The following PLXNA2 variants were observed in gnomAD, a reference collection of about 807,000 sequenced individuals.
PLXNA2 encodes the protein plexin-A2.
In PLXNA2, 91 loss-of-function variants were observed where a neutral mutation model predicts 193.5. The ratio of observed to expected loss-of-function variants is 0.47; its 90% CI spans 0.40 to 0.56. The LOEUF (loss-of-function observed/expected upper bound fraction) is 0.56. Among genes scored for constraint, PLXNA2 ranks in the 20% least tolerant of loss-of-function variants. PLXNA2 has a pLI of 0.00. For missense variants in PLXNA2, 1,995 were observed against 2,503.2 expected, an observed-to-expected ratio of 0.80 and a Z score of 4.33; for synonymous variants, 997 against 1,027.3, an observed-to-expected ratio of 0.97 and a Z score of 0.56.
chr1:208,084,234 G>C, intron 10 of PLXNA2, 146 bp downstream of exon 10: 2 of 784,014 alleles, frequency 2.6e-6, no homozygotes, highest in Non-Finnish European at 4.1e-6. Flanking sequence ...CGGCTGGGGT[G>C]CTGGCTGGCT....
At position 208,023,140 on chromosome 1, in the gene PLXNA2, G is replaced by T. The variant is rs1283972979; in HGVS notation, c.*4103C>A. 1 of 152,288 alleles carries T rather than the reference G, an allele frequency of 6.6e-6. No homozygotes were observed. The highest frequency in any genetic ancestry group is 1.9e-4 in the East Asian group (1 of 5,190). The allele number at this position is 152,288 out of a possible 1,614,324, so 9.4% of individuals were successfully genotyped here. A position where few individuals can be genotyped will look rare whatever the true frequency, so the allele number is the denominator to read the frequency against. ...AAGTTCATCTCCCAAGTTCCCCGTC[G>T]ATCTGCTCCCACAGCCCTGTGTCTG... On this transcript the variant is annotated 3_prime_UTR_variant, in exon 32 of 32. Transcript: ENST00000367033.
chr1:208,058,710 G>T (rs673287), intron 13 of PLXNA2, among the ~76,000 whole-genome samples: 3 of 152,196 alleles, frequency 2.0e-5, no homozygotes, highest in African/African-American at 4.8e-5. Flanking sequence ...CATGGGGATT[G>T]TTCCCCTCCC....
At chr1:208,137,958 G>C (rs1441796754) in intron 4 of PLXNA2, among the ~76,000 whole-genome samples, 3 of 152,110 alleles carry the variant, frequency 2.0e-5, no homozygotes, top group Admixed American at 1.3e-4. Context: ...AGGATGGGTG[G>C]GGGAACAGAG....
At chr1:208,048,544 T>G (rs765916899) in intron 17 of PLXNA2, among the ~76,000 whole-genome samples, 1 of 152,198 alleles carries the variant, frequency 6.6e-6, no homozygotes, top group African/African-American at 2.4e-5. Flanking sequence ...TCTTAAGTCC[T>G]TGGAACATTG....
intron 1 of PLXNA2, among the ~76,000 whole-genome samples, chr1:208,222,713 T>C (rs944222734): frequency 3.9e-5 from 6 of 152,208 alleles, no homozygotes; most frequent in Non-Finnish European, 8.8e-5. Flanking sequence ...ATTGCCCTTT[T>C]CAGGAGATCT....
chr1:208,105,527 C>T (rs1380227427), intron 4 of PLXNA2, among the ~76,000 whole-genome samples: 2 of 152,232 alleles, frequency 1.3e-5, no homozygotes, highest in African/African-American at 4.8e-5. Context: ...TTGTCCTGTA[C>T]AACTCTACAG....
At position 208,078,104 on chromosome 1, in the gene PLXNA2, C is replaced by T. The variant is rs544216942; in HGVS notation, c.2586+1156G>A. ...AAATGTTGGCTCTGCCACTTATCAGCGGTATAAACTTGGGCATGTCACTCA... is the reference window on the plus strand; with the variant it reads ...AAATGTTGGCTCTGCCACTTATCAGTGGTATAAACTTGGGCATGTCACTCA... On this transcript the variant is annotated intron_variant, in intron 12 of 31. Coordinates refer to ENST00000367033, the MANE Select transcript of PLXNA2 (RefSeq NM_025179.4). 9.2e-5 allele frequency among the ~76,000 whole-genome samples: 14 copies of T among 152,246 alleles called. No individual in the cohort carries two copies. The South Asian group carries it at 1.5e-3, about 16-fold the overall frequency.
chr1:208,043,465 AG>A (rs773498069), intron 20 of PLXNA2, among the ~76,000 whole-genome samples: 65 of 151,940 alleles, frequency 4.3e-4, no homozygotes, highest in South Asian at 2.1e-3. Flanking sequence ...AGTTTCAACA[AG>A]GAAAAAAAAG....
chr1:208,063,873 A>G, intron 12 of PLXNA2, among the ~76,000 whole-genome samples: 1 of 152,176 alleles, frequency 6.6e-6, no homozygotes, highest in Non-Finnish European at 1.5e-5. Flanking sequence ...CCAAATCCAT[A>G]AGGTTGGCGC....
At chr1:208,101,700 G>T (rs1047033857) in intron 5 of PLXNA2, among the ~76,000 whole-genome samples, 14 of 152,174 alleles carry the variant, frequency 9.2e-5, no homozygotes, top group African/African-American at 3.4e-4. Context: ...AGACGTCCTT[G>T]CTGTTGAATA....
At chr1:208,169,001 C>A (rs1322791102) in intron 3 of PLXNA2, among the ~76,000 whole-genome samples, 1 of 152,080 alleles carries the variant, frequency 6.6e-6, no homozygotes. Context: ...CGATGGTTTT[C>A]TATAAGGCCA....
intron 3 of PLXNA2, among the ~76,000 whole-genome samples, chr1:208,207,597 C>A (rs1467487037): frequency 6.6e-6 from 1 of 152,182 alleles, no homozygotes; most frequent in Non-Finnish European, 1.5e-5. Flanking sequence ...TCTGACGCAC[C>A]CGGCTTCCCT....
rs1437087803 is a variant in PLXNA2 at position 208,023,246 on chromosome 1, T to A, written c.*3997A>T. Reference sequence around the variant, plus strand: ...TCTCTGTGCCCAGGCCCCAGGAGTCTCATGCAAGACACAGCGTGGCTGGGA... The same window carrying A: ...TCTCTGTGCCCAGGCCCCAGGAGTCACATGCAAGACACAGCGTGGCTGGGA... On this transcript the variant is annotated 3_prime_UTR_variant, in exon 32 of 32. Transcript: ENST00000367033. 2 of 152,528 alleles carry A rather than the reference T, an allele frequency of 1.3e-5. No individual in the cohort carries two copies. Among genetic ancestry groups the A allele is most frequent in the Non-Finnish European group, 2.9e-5 (2 of 68,052 alleles). 9.4% of individuals were successfully genotyped at this position (152,528 alleles called of 1,614,324 possible).
Position 208,217,674 on chromosome 1 carries a change from A to G in PLXNA2, c.249T>C (p.His83=), listed in dbSNP as rs765037860. ...TGTTGTCCTCTTCTGGCCCTGTCTTATGAGCCACCTGGATGGTCAGGTTGC... is the reference window on the plus strand; with the variant it reads ...TGTTGTCCTCTTCTGGCCCTGTCTTGTGAGCCACCTGGATGGTCAGGTTGC... ...LTGNLTIQVA[H]KTGPEEDNKS... The change falls in exon 2 of 32, where the codon CAT becomes CAC. Residue 83 remains histidine, a synonymous_variant. Transcript: ENST00000367033. The surrounding 1 kb of genome is among the most constrained non-coding windows in gnomAD (Gnocchi z 4.7). 1 of 1,614,150 alleles carries G rather than the reference A, an allele frequency of 6.2e-7. No individual in the cohort carries two copies. Among genetic ancestry groups the G allele is most frequent in the Non-Finnish European group, 8.5e-7 (1 of 1,180,030 alleles).
chr1:208,095,902 G>A (rs2102407454), intron 8 of PLXNA2, 127 bp downstream of exon 8: 1 of 730,830 alleles, frequency 1.4e-6, no homozygotes, highest in Admixed American at 2.1e-5. Flanking sequence ...CAAAGTGTCA[G>A]GCCCCATGGG....
chr1:208,112,988 G>A (rs1667529420), intron 4 of PLXNA2, among the ~76,000 whole-genome samples: 1 of 96,960 alleles, frequency 1.0e-5, no homozygotes, highest in African/African-American at 4.0e-5. Context: ...GGAAGTTCTG[G>A]TTTTTGGAAG....
At chr1:208,110,779 A>C (rs1198143890) in intron 4 of PLXNA2, among the ~76,000 whole-genome samples, 1 of 152,156 alleles carries the variant, frequency 6.6e-6, no homozygotes. Flanking sequence ...AGAGGCAAGG[A>C]CTGCAGAGGG....
At chr1:208,122,708 G>C (rs1482347970) in intron 4 of PLXNA2, among the ~76,000 whole-genome samples, 1 of 152,106 alleles carries the variant, frequency 6.6e-6, no homozygotes, top group East Asian at 1.9e-4. Flanking sequence ...GGAAATAATA[G>C]GAGAACAAGG....
At chr1:208,103,310 A>G (rs1667158682) in intron 4 of PLXNA2, 63 bp from the exon 5 acceptor site, 2 of 1,300,846 alleles carry the variant, frequency 1.5e-6, no homozygotes, top group Non-Finnish European at 1.1e-6. Context: ...GGTGTGTGTC[A>G]CACAGTCCTG....
Sources: allele counts gnomAD v4.1 joint callset (sites outside exome capture counted in the v4.1 genomes callset), GRCh38; gene constraint gnomAD v4.1.1; non-coding constraint Gnocchi (gnomAD v3.1); transcripts MANE v1.5; gene names NCBI Gene and HGNC (gene_info 2026-07-23, HGNC 2026-07-21).